FBXL4: variants seen among roughly 807,000 people sequenced by gnomAD.
The protein encoded by FBXL4 is F-box/LRR-repeat protein 4.
In FBXL4, 40 loss-of-function variants were observed where a neutral mutation model predicts 58.9. The ratio of observed to expected loss-of-function variants is 0.68; its 90% CI spans 0.53 to 0.88. The LOEUF (loss-of-function observed/expected upper bound fraction) is 0.88. Ranked by LOEUF, FBXL4 falls within the 40% of genes least tolerant of loss-of-function variation. FBXL4 has a pLI of 0.00. For missense variants in FBXL4, 676 were observed against 734.4 expected, an observed-to-expected ratio of 0.92 and a Z score of 0.92; for synonymous variants, 263 against 265.5, an observed-to-expected ratio of 0.99 and a Z score of 0.09.
chr6:98,934,437 C>T lies in FBXL4; in HGVS notation c.-191+325G>A, dbSNP rs948244985. On this transcript the variant is annotated intron_variant, in intron 2 of 9. Transcript: ENST00000369244. ...AGAGAGAGAGACAGAAGAGACAGGC[C>T]GTAATATAACAGCAAAGGTAATAAG... 3.3e-5 allele frequency among the ~76,000 whole-genome samples: 5 copies of T among 151,646 alleles called. 1 individual carries two copies. The highest frequency in any genetic ancestry group is 2.6e-4 in the Admixed American group (4 of 15,220).
At chr6:98,941,583 T>C (rs1038243337) in intron 1 of FBXL4, among the ~76,000 whole-genome samples, 18 of 152,168 alleles carry the variant, frequency 1.2e-4, no homozygotes, top group African/African-American at 4.3e-4. Context: ...TCTTTAAAGA[T>C]ATCTACTAGT....
intron 5 of FBXL4, among the ~76,000 whole-genome samples, chr6:98,906,768 C>T (rs1206021818): frequency 6.6e-6 from 1 of 152,168 alleles, no homozygotes; most frequent in Admixed American, 6.5e-5. Context: ...CAATGGTTGA[C>T]TAATTTACAC....
At chr6:98,915,850 C>G (rs919186613) in intron 5 of FBXL4, among the ~76,000 whole-genome samples, 1 of 150,596 alleles carries the variant, frequency 6.6e-6, no homozygotes, top group African/African-American at 2.4e-5. Flanking sequence ...AGCTTCTGCA[C>G]AGCAAAAGAA....
intron 1 of FBXL4, among the ~76,000 whole-genome samples, chr6:98,937,136 C>G (rs563060946): frequency 1.1e-4 from 17 of 152,024 alleles, no homozygotes; most frequent in African/African-American, 4.1e-4. Context: ...AGGGAAAAAC[C>G]CTGTCTCTAC....
rs557872152 is a variant in FBXL4 at position 98,942,889 on chromosome 6, A to G, written c.-309+4917T>C. On this transcript the variant is annotated intron_variant, in intron 1 of 9. Transcript: ENST00000369244. ...ATGGTTTCAGAATTTCCAAACTTGC[A>G]GGAGAGGGGAAAAAATAGTTAATAT... 1.4e-4 allele frequency among the ~76,000 whole-genome samples: 21 copies of G among 152,256 alleles called. No individual in the cohort carries two copies. The South Asian group carries it at 4.4e-3, about 32-fold the overall frequency.
At position 98,944,570 on chromosome 6, in the gene FBXL4, G is replaced by A. The variant is rs75364497; in HGVS notation, c.-309+3236C>T. Among the ~76,000 whole-genome samples, 324 of 152,190 alleles carry A rather than the reference G, an allele frequency of 2.1e-3. 1 individual carries two copies. The highest frequency in any genetic ancestry group is 5.7e-3 in the African/African-American group (238 of 41,502). ...CATTTCATCTTAGCAGGCCTCTCAA[G>A]TTTCTGCATATCATATAAGTAGAGG... On this transcript the variant is annotated intron_variant, in intron 1 of 9. Coordinates refer to ENST00000369244, the MANE Select transcript of FBXL4 (RefSeq NM_001278716.2).
At position 98,876,224 on chromosome 6, in the gene FBXL4, T is replaced by A. The variant is rs974043282; in HGVS notation, c.1390-497A>T. 2.6e-5 allele frequency among the ~76,000 whole-genome samples: 4 copies of A among 152,152 alleles called. No individual in the cohort carries two copies. The East Asian group carries it at 7.7e-4, about 29-fold the overall frequency. On this transcript the variant is annotated intron_variant, in intron 8 of 9. Transcript: ENST00000369244. ...ACTAGTTTTGGCTTAAATGAGGCAT[T>A]TGGGGACTGCATATACAACATGAAA...
chr6:98,911,059 C>T (rs1176664505), intron 5 of FBXL4, among the ~76,000 whole-genome samples: 2 of 151,748 alleles, frequency 1.3e-5, no homozygotes, highest in African/African-American at 4.8e-5. Flanking sequence ...CCTACGCCCA[C>T]GGAGTCTCGC....
At position 98,927,011 on chromosome 6, in the gene FBXL4, C is replaced by G; in HGVS notation, c.-23G>C. ...CATCTAGATGTGAATTATGAAGCTT[C>G]AAAAGGTCAGGTGTCCTCAGTAAGA... On this transcript the variant is annotated 5_prime_UTR_variant, in exon 4 of 10. Coordinates refer to ENST00000369244, the MANE Select transcript of FBXL4 (RefSeq NM_001278716.2). 6.2e-7 allele frequency: 1 copy of G among 1,605,734 alleles called. No homozygotes were observed. Among genetic ancestry groups the G allele is most frequent in the Non-Finnish European group, 8.5e-7 (1 of 1,174,642 alleles).
rs2128405402 is a variant in FBXL4, at chr6:98,926,505, A to C, written c.484T>G (p.Tyr162Asp). The change falls in exon 4 of 10, where the codon TAT becomes GAT. Residue 162 changes from tyrosine to aspartate, a missense_variant. Transcript: ENST00000369244. ...ACTTCAGCTGGTGGATTTGGGGAAT[A>C]AGGATTTGCAGAACAAGCGAGAATT... ...IRILACSANP[Y>D]SPNPPAEVRW... 1 of 1,610,426 alleles carries C rather than the reference A, an allele frequency of 6.2e-7. No individual in the cohort carries two copies. Among genetic ancestry groups the C allele is most frequent in the Non-Finnish European group, 8.5e-7 (1 of 1,177,282 alleles).
intron 1 of FBXL4, among the ~76,000 whole-genome samples, chr6:98,945,024 A>G (rs1773570100): frequency 6.6e-6 from 1 of 152,206 alleles, no homozygotes; most frequent in East Asian, 1.9e-4. Context: ...AATTCTTGGC[A>G]ATGTGATATG....
rs2128372126 is a variant in FBXL4 at position 98,869,115 on chromosome 6, A to G, written c.*5163T>C. 1 of 152,342 alleles carries G rather than the reference A, an allele frequency of 6.6e-6. No individual in the cohort carries two copies. Among genetic ancestry groups the G allele is most frequent in the South Asian group, 2.1e-4 (1 of 4,824 alleles). The allele number at this position is 152,342 out of a possible 1,614,324, so 9.4% of individuals were successfully genotyped here. A position where few individuals can be genotyped will look rare whatever the true frequency, so the allele number is the denominator to read the frequency against. Reference sequence around the variant, plus strand: ...CTAGGTTTCTAGTAGTATGTTGTCAAAAAAAGCAAATGAGGTGATGATTGG... The same window carrying G: ...CTAGGTTTCTAGTAGTATGTTGTCAGAAAAAGCAAATGAGGTGATGATTGG... On this transcript the variant is annotated 3_prime_UTR_variant, in exon 10 of 10. Transcript: ENST00000369244.
At chr6:98,902,347 T>C (rs1771647630) in intron 6 of FBXL4, among the ~76,000 whole-genome samples, 1 of 152,048 alleles carries the variant, frequency 6.6e-6, no homozygotes, top group Admixed American at 6.6e-5. Flanking sequence ...AAACAAAACT[T>C]CCTGCTTAAC....
chr6:98,915,287 A>G (rs1582420556), intron 5 of FBXL4, among the ~76,000 whole-genome samples: 2 of 152,324 alleles, frequency 1.3e-5, no homozygotes, highest in African/African-American at 4.8e-5. Context: ...TCAAGCTACC[A>G]ATGAATTTCT....
chr6:98,908,332 GA>G (rs1771893600), intron 5 of FBXL4, among the ~76,000 whole-genome samples: 1 of 152,100 alleles, frequency 6.6e-6, no homozygotes, highest in Non-Finnish European at 1.5e-5. Flanking sequence ...CTCATTTAAT[GA>G]TATATCTTAT....
intron 8 of FBXL4, 95 bp downstream of exon 8, chr6:98,880,458 T>C: frequency 1.1e-6 from 1 of 924,228 alleles, no homozygotes; most frequent in Admixed American, 1.9e-5. Context: ...AAACTGTGGG[T>C]GTGTGTGGGG....
intron 1 of FBXL4, among the ~76,000 whole-genome samples, chr6:98,943,474 G>A (rs1038290946): frequency 6.6e-6 from 1 of 150,410 alleles, no homozygotes; most frequent in African/African-American, 2.5e-5. Context: ...TTGAGAGGCT[G>A]AGGCAGGAGG....
rs181423183 is a variant in FBXL4, at chr6:98,910,549, C to T, written c.859-4879G>A. The stretch of plus-strand genomic sequence containing the variant: ...GCAGGCACCTGTAGTCCCAGCTACT[C>T]GGGAGGCTGAGGCAGGAGAATGGCA... On this transcript the variant is annotated intron_variant, in intron 5 of 9. Transcript: ENST00000369244. 2.3e-3 allele frequency among the ~76,000 whole-genome samples: 343 copies of T among 151,512 alleles called. 3 individuals are homozygous for T. Among genetic ancestry groups the T allele is most frequent in the Admixed American group, 3.2e-3 (48 of 15,216 alleles).
chr6:98,932,864 T>C (rs899806583), intron 2 of FBXL4, among the ~76,000 whole-genome samples: 9 of 146,228 alleles, frequency 6.2e-5, no homozygotes, highest in African/African-American at 2.3e-4. Context: ...TGTAACACAA[T>C]ATTTACTTGC....
Sources: allele counts gnomAD v4.1 joint callset (sites outside exome capture counted in the v4.1 genomes callset), GRCh38; gene constraint gnomAD v4.1.1; transcripts MANE v1.5; gene names NCBI Gene and HGNC (gene_info 2026-07-23, HGNC 2026-07-21).